Variants in USP14 observed in about 807,000 individuals in gnomAD.
USP14 encodes ubiquitin carboxyl-terminal hydrolase 14.
USP14 carries 38 observed loss-of-function variants against 76.5 expected under a neutral mutation model. That is an observed-to-expected ratio of 0.50 (90% confidence interval 0.38 to 0.65). The LOEUF (loss-of-function observed/expected upper bound fraction) is 0.65, where lower values mean the gene tolerates loss of function less well. Ranked by LOEUF, USP14 falls within the 30% of genes least tolerant of loss-of-function variation. USP14 has a pLI of 0.00. For missense variants in USP14, 467 were observed against 586.5 expected, an observed-to-expected ratio of 0.80 and a Z score of 2.10; for synonymous variants, 192 against 191.7, an observed-to-expected ratio of 1.00 and a Z score of -0.01.
chr18:205,709 A>G (rs969453462), intron 13 of USP14, among the ~76,000 whole-genome samples: 1 of 152,220 alleles, frequency 6.6e-6, no homozygotes, highest in African/African-American at 2.4e-5. Context: ...TGAGACCAAG[A>G]GTTAAATGCT....
At chr18:163,118 G>A in intron 1 of USP14, 190 bp from the exon 2 acceptor site, 1 of 478,362 alleles carries the variant, frequency 2.1e-6, no homozygotes. Flanking sequence ...GAGAAGTTAG[G>A]TTTGATCCAG....
chr18:170,811 A>T (rs891554129), intron 3 of USP14, among the ~76,000 whole-genome samples: 2 of 151,842 alleles, frequency 1.3e-5, no homozygotes, highest in African/African-American at 4.8e-5. Context: ...GAGCAATGAG[A>T]ATACATGGAC....
At chr18:170,922 G>A (rs1909424249) in intron 3 of USP14, among the ~76,000 whole-genome samples, 1 of 150,268 alleles carries the variant, frequency 6.7e-6, no homozygotes, top group African/African-American at 2.5e-5. Context: ...ATACCTAGGT[G>A]ATGGGTCTAT....
chr18:187,558 T>G (rs1054609345), intron 5 of USP14, among the ~76,000 whole-genome samples: 2 of 152,208 alleles, frequency 1.3e-5, no homozygotes, highest in Non-Finnish European at 2.9e-5. Context: ...TCCAGGAATA[T>G]AGGCTGTCTC....
In USP14 at chr18:173,391, T is replaced by A. The variant is rs376876055; in HGVS notation, c.196-5542T>A. Among the ~76,000 whole-genome samples the A allele has an allele frequency of 1.0e-3, 147 of 147,652 alleles. 1 individual carries two copies. Among genetic ancestry groups the A allele is most frequent in the African/African-American group, 3.1e-3 (122 of 39,752 alleles). Reference sequence around the variant, plus strand: ...CTCCCAAAGTGCTGGGATTACAGGCTTGAGCCACCATGCCCGGCCTATATT... The same window carrying A: ...CTCCCAAAGTGCTGGGATTACAGGCATGAGCCACCATGCCCGGCCTATATT... On this transcript the variant is annotated intron_variant, in intron 3 of 15. Transcript: ENST00000261601.
chr18:167,056 G>C (rs537109157), intron 3 of USP14, among the ~76,000 whole-genome samples: 5 of 151,972 alleles, frequency 3.3e-5, no homozygotes, highest in African/African-American at 1.2e-4. Context: ...GTACCAAATG[G>C]TTTTGATTAC....
chr18:204,170 T>A (rs1910462695), intron 12 of USP14, among the ~76,000 whole-genome samples: 1 of 152,098 alleles, frequency 6.6e-6, no homozygotes, highest in Non-Finnish European at 1.5e-5. Context: ...TCACTATTAC[T>A]TCTATGTAAA....
intron 5 of USP14, among the ~76,000 whole-genome samples, chr18:184,617 A>G (rs1909878183): frequency 6.6e-6 from 1 of 152,106 alleles, no homozygotes; most frequent in Non-Finnish European, 1.5e-5. Context: ...CAAAAAACCA[A>G]AAATTAGCCA....
intron 9 of USP14, 137 bp from the exon 10 acceptor site, chr18:199,065 A>G: frequency 1.7e-6 from 1 of 591,500 alleles, no homozygotes; most frequent in Non-Finnish European, 3.0e-6. Flanking sequence ...GTTGAAATGA[A>G]TCTTGGGAGA....
At chr18:162,700 C>A (rs748889814) in intron 1 of USP14, among the ~76,000 whole-genome samples, 3 of 152,034 alleles carry the variant, frequency 2.0e-5, no homozygotes, top group Admixed American at 2.0e-4. Context: ...GGAAATATTT[C>A]AATATGATCA....
intron 6 of USP14, among the ~76,000 whole-genome samples, chr18:193,105 C>T (rs1457000966): frequency 2.0e-5 from 3 of 152,014 alleles, no homozygotes; most frequent in Non-Finnish European, 4.4e-5. Flanking sequence ...GAAAAATAAT[C>T]TTTGGATTTT....
chr18:211,564 G>T lies in USP14; in HGVS notation c.*280G>T, dbSNP rs1023180328. 3 of 254,394 alleles carry T rather than the reference G, an allele frequency of 1.2e-5. No individual in the cohort carries two copies. The highest frequency in any genetic ancestry group is 1.1e-4 in the Admixed American group (2 of 18,562). 15.8% of individuals were successfully genotyped at this position (254,394 alleles called of 1,614,324 possible). Reference sequence around the variant, plus strand: ...ATTTTAAAAAGTTCAGAGTTGAAATGCCTTTCAACCATTTCCTTCTGTGGT... The same window carrying T: ...ATTTTAAAAAGTTCAGAGTTGAAATTCCTTTCAACCATTTCCTTCTGTGGT... On this transcript the variant is annotated 3_prime_UTR_variant, in exon 16 of 16. Transcript: ENST00000261601.
At chr18:179,390 A>G (rs943065448) in intron 4 of USP14, among the ~76,000 whole-genome samples, 11 of 152,202 alleles carry the variant, frequency 7.2e-5, no homozygotes, top group African/African-American at 1.9e-4. Flanking sequence ...CTATTTTATG[A>G]GAAAACAGGG....
chr18:194,370 A>G (rs1288047809), intron 6 of USP14, among the ~76,000 whole-genome samples: 3 of 152,228 alleles, frequency 2.0e-5, no homozygotes, highest in Admixed American at 6.5e-5. Flanking sequence ...ATATGCGGCT[A>G]ATAGTATTGA....
intron 5 of USP14, 64 bp downstream of exon 5, chr18:180,403 T>C (rs886684625): frequency 2.0e-6 from 2 of 1,000,524 alleles, no homozygotes; most frequent in Non-Finnish European, 1.5e-6. Flanking sequence ...TTGTTTTGTT[T>C]TGCTTTCTTT....
At chr18:205,934 T>C (rs1054776889) in intron 13 of USP14, among the ~76,000 whole-genome samples, 2 of 152,224 alleles carry the variant, frequency 1.3e-5, no homozygotes, top group Non-Finnish European at 2.9e-5. Context: ...GGTGTGAATT[T>C]ACCACAATCT....
intron 4 of USP14, among the ~76,000 whole-genome samples, chr18:179,258 C>T (rs1909714123): frequency 6.6e-6 from 1 of 151,836 alleles, no homozygotes; most frequent in African/African-American, 2.4e-5. Flanking sequence ...TTGTATTGTA[C>T]ACCTTACTAC....
intron 1 of USP14, 119 bp from the exon 2 acceptor site, chr18:163,189 C>A: frequency 4.6e-6 from 4 of 877,200 alleles, no homozygotes; most frequent in Non-Finnish European, 6.9e-6. Flanking sequence ...GTGTTATGGG[C>A]ATAGAAAGAT....
At chr18:180,197 T>G in intron 4 of USP14, 39 bp from the exon 5 acceptor site, 1 of 1,194,816 alleles carries the variant, frequency 8.4e-7, no homozygotes, top group Non-Finnish European at 1.2e-6. Context: ...TAAAAATGGT[T>G]TAATGATTTA....
Sources: allele counts gnomAD v4.1 joint callset (sites outside exome capture counted in the v4.1 genomes callset), GRCh38; gene constraint gnomAD v4.1.1; transcripts MANE v1.5; gene names NCBI Gene and HGNC (gene_info 2026-07-23, HGNC 2026-07-21).